Variants in FAM53A observed in about 807,000 individuals in gnomAD.
FAM53A encodes the protein protein FAM53A.
A neutral mutation model predicts 26.6 loss-of-function variants in FAM53A; 28 were observed. That is an observed-to-expected ratio of 1.05 (90% CI 0.78 to 1.45). FAM53A has a LOEUF of 1.45. FAM53A is among the 40% of genes most tolerant of loss of function. The pLI is 0.00. For synonymous variants in FAM53A, 290 were observed against 253.1 expected (o/e 1.15, Z -1.38); for missense variants, 650 against 575.8 (o/e 1.13, Z -1.32).
chr4:1,579,609 C>G, the FAM53A span, among the ~76,000 whole-genome samples: 1 of 152,214 alleles, frequency 6.6e-6, no homozygotes, highest in Admixed American at 6.5e-5. Context: ...CCCGTTTCCC[C>G]GCCTGTAAAA....
chr4:1,598,042 T>C, the FAM53A span, among the ~76,000 whole-genome samples: 2 of 152,212 alleles, frequency 1.3e-5, no homozygotes, highest in African/African-American at 2.4e-5. Flanking sequence ...CCCAGGACTG[T>C]TCTAAAAGAA....
the FAM53A span, among the ~76,000 whole-genome samples, chr4:1,610,511 A>G: frequency 6.6e-6 from 1 of 152,152 alleles, no homozygotes; most frequent in Non-Finnish European, 1.5e-5. Context: ...TCGGGGCCAG[A>G]GCAGCAAGAG....
At chr4:1,685,983 C>G (rs1362048435), upstream of FAM53A, among the ~76,000 whole-genome samples, 1 of 152,144 alleles carries the variant, frequency 6.6e-6, no homozygotes. Context: ...TATCTACCCA[C>G]CCCTCTCAGC....
Position 1,641,508 on chromosome 4 carries a change from G to A in FAM53A, c.982C>T (p.Arg328Trp), listed in dbSNP as rs766456718. 2.2e-5 allele frequency: 36 copies of A among 1,614,084 alleles called. No individual in the cohort carries two copies. The highest frequency in any genetic ancestry group is 1.2e-4 in the Admixed American group (7 of 59,996). ...KTVLSSPCDS[R>W]GLPGITMPGC... ...GGCATGGTGATGCCAGGGAGGCCCCGGGAGTCACATGGGGAGGACAGAACC... is the reference window on the plus strand; with the variant it reads ...GGCATGGTGATGCCAGGGAGGCCCCAGGAGTCACATGGGGAGGACAGAACC... Residue 328 changes from arginine (R) to tryptophan (W), a missense_variant, in exon 5 of 5, where the codon CGG becomes TGG. Arg to Trp is a moderately radical substitution (Grantham distance 101). Transcript: ENST00000308132.
At chr4:1,671,564 GCCACA>G (rs1436738957) in intron 1 of FAM53A, among the ~76,000 whole-genome samples, 1 of 117,370 alleles carries the variant, frequency 8.5e-6, no homozygotes, top group African/African-American at 3.2e-5. Context: ...CACAGCCACA[GCCACA>G]GCCGGGACTC....
the FAM53A span, among the ~76,000 whole-genome samples, chr4:1,592,892 T>TGCAGGGC: frequency 6.6e-6 from 1 of 151,816 alleles, no homozygotes; most frequent in African/African-American, 2.4e-5. Flanking sequence ...GAGGGGCGTC[T>TGCAGGGC]GCAGGGCACA....
intron 4 of FAM53A, among the ~76,000 whole-genome samples, chr4:1,651,010 AG>A (rs1712732115): frequency 7.0e-6 from 1 of 143,228 alleles, no homozygotes; most frequent in African/African-American, 2.6e-5. Flanking sequence ...CGAGGTGAGG[AG>A]TTCGAGACCA....
the FAM53A span, among the ~76,000 whole-genome samples, chr4:1,602,929 G>T: frequency 3.3e-5 from 5 of 152,318 alleles, no homozygotes; most frequent in Non-Finnish European, 5.9e-5. Flanking sequence ...TACCCGCCAG[G>T]CCAGCCACGG....
At chr4:1,591,178 TCTTTCTGTGCC>T in the FAM53A span, among the ~76,000 whole-genome samples, 1 of 151,960 alleles carries the variant, frequency 6.6e-6, no homozygotes, top group African/African-American at 2.4e-5. Flanking sequence ...TGATTTTCAA[TCTTTCTGTGCC>T]CTTTCTCCTT....
intron 1 of FAM53A, among the ~76,000 whole-genome samples, chr4:1,682,145 C>T (rs1715482733): frequency 6.6e-6 from 1 of 152,276 alleles, no homozygotes; most frequent in Middle Eastern, 3.4e-3. Flanking sequence ...GAGTCCCTGA[C>T]ACACATTTTC....
At chr4:1,617,116 A>G (rs1714838703), downstream of FAM53A, among the ~76,000 whole-genome samples, 1 of 75,828 alleles carries the variant, frequency 1.3e-5, no homozygotes, top group African/African-American at 5.3e-5. Context: ...CAGGCAACAG[A>G]GGGAGACTCC....
the FAM53A span, among the ~76,000 whole-genome samples, chr4:1,608,099 A>G: frequency 1.3e-5 from 2 of 152,154 alleles, no homozygotes; most frequent in Non-Finnish European, 2.9e-5. Context: ...GTGACAGAGC[A>G]AAACTTTGTC....
the FAM53A span, among the ~76,000 whole-genome samples, chr4:1,585,697 C>T: frequency 6.6e-6 from 1 of 152,174 alleles, no homozygotes. Context: ...TAAGGTCCTC[C>T]ATGTTCATCC....
chr4:1,578,147 C>T, the FAM53A span, among the ~76,000 whole-genome samples: 1 of 152,158 alleles, frequency 6.6e-6, no homozygotes, highest in Admixed American at 6.5e-5. Flanking sequence ...AGGCCCCCCC[C>T]AAGCCTGGAC....
chr4:1,632,483 C>A (rs1382122873), intron 1 of FAM53A, among the ~76,000 whole-genome samples: 1 of 152,158 alleles, frequency 6.6e-6, no homozygotes, highest in Non-Finnish European at 1.5e-5. Flanking sequence ...TGACATGGAC[C>A]CCCAAGAAGA....
At chr4:1,592,343 G>A in the FAM53A span, among the ~76,000 whole-genome samples, 1 of 152,214 alleles carries the variant, frequency 6.6e-6, no homozygotes, top group Non-Finnish European at 1.5e-5. Flanking sequence ...CGAGGGCTCC[G>A]GGAGGCAGCG....
chr4:1,633,032 TCA>T (rs2108778350), intron 1 of FAM53A, among the ~76,000 whole-genome samples: 1 of 133,810 alleles, frequency 7.5e-6, no homozygotes, highest in East Asian at 2.1e-4. Context: ...ACGCTCATGC[TCA>T]CACGCATAGG....
chr4:1,661,239 G>A (rs758005205), intron 2 of FAM53A, among the ~76,000 whole-genome samples: 5 of 151,974 alleles, frequency 3.3e-5, no homozygotes, highest in African/African-American at 7.3e-5. Flanking sequence ...AGGCTCCCAC[G>A]GCCATGGGAA....
At chr4:1,607,401 G>T in the FAM53A span, among the ~76,000 whole-genome samples, 1 of 151,578 alleles carries the variant, frequency 6.6e-6, no homozygotes, top group Non-Finnish European at 1.5e-5. Context: ...GGAAACGTGC[G>T]TGCGTACACA....
Sources: allele counts gnomAD v4.1 joint callset (sites outside exome capture counted in the v4.1 genomes callset), GRCh38; gene constraint gnomAD v4.1.1; transcripts MANE v1.5; gene names NCBI Gene and HGNC (gene_info 2026-07-23, HGNC 2026-07-21).